TMEM132D: variants seen among roughly 807,000 people sequenced by gnomAD.
TMEM132D encodes mature OL transmembrane protein.
Under a neutral mutation model 62.3 loss-of-function variants are expected in TMEM132D, and 21 were observed. The ratio of observed to expected loss-of-function variants is 0.34; its 90% CI spans 0.24 to 0.49. TMEM132D has a LOEUF of 0.49. TMEM132D is among the 20% of genes least tolerant of loss of function. TMEM132D has a pLI of 0.99. For missense variants in TMEM132D, 1,346 were observed against 1,402.8 expected, an observed-to-expected ratio of 0.96 and a Z score of 0.65; for synonymous variants, 621 against 575.6, an observed-to-expected ratio of 1.08 and a Z score of -1.13.
chr12:129,118,234 T>C (rs1192686080), intron 5 of TMEM132D, among the ~76,000 whole-genome samples: 2 of 152,186 alleles, frequency 1.3e-5, no homozygotes, highest in Non-Finnish European at 2.9e-5. Flanking sequence ...TTGACAATGA[T>C]AGTTAGATAA....
At chr12:129,648,791 G>A (rs774004647) in intron 2 of TMEM132D, among the ~76,000 whole-genome samples, 2 of 152,120 alleles carry the variant, frequency 1.3e-5, no homozygotes, top group African/African-American at 2.4e-5. Flanking sequence ...GAATTCAGCA[G>A]TAAAATTTTC....
At chr12:129,313,260 C>T (rs1339428842) in intron 4 of TMEM132D, among the ~76,000 whole-genome samples, 1 of 152,094 alleles carries the variant, frequency 6.6e-6, no homozygotes, top group Non-Finnish European at 1.5e-5. Context: ...GATTTTGGTG[C>T]ACCCATCACC....
chr12:129,548,924 A>C (rs1293152057), intron 2 of TMEM132D, among the ~76,000 whole-genome samples: 1 of 152,274 alleles, frequency 6.6e-6, no homozygotes, highest in Non-Finnish European at 1.5e-5. Flanking sequence ...AGCTCACCTG[A>C]GTAGACTGCC....
intron 2 of TMEM132D, among the ~76,000 whole-genome samples, chr12:129,623,478 A>G (rs1445108905): frequency 2.0e-5 from 3 of 151,880 alleles, no homozygotes; most frequent in Non-Finnish European, 4.4e-5. Flanking sequence ...ACTCTCTATG[A>G]CTTTGCATAC....
chr12:129,647,782 T>G (rs1879825679), intron 2 of TMEM132D, among the ~76,000 whole-genome samples: 2 of 152,224 alleles, frequency 1.3e-5, no homozygotes, highest in African/African-American at 4.8e-5. Context: ...TCTCATTGAT[T>G]TGTAGAAGAT....
chr12:129,210,784 G>A (rs754209275), intron 4 of TMEM132D: 5 of 152,186 alleles, frequency 3.3e-5, no homozygotes, highest in Middle Eastern at 3.1e-3. Context: ...GGAAAGGACT[G>A]GGATTTACAT....
intron 1 of TMEM132D, among the ~76,000 whole-genome samples, chr12:129,876,842 C>T (rs898703857): frequency 1.3e-5 from 2 of 152,220 alleles, no homozygotes; most frequent in African/African-American, 4.8e-5. Flanking sequence ...GTATTAACGC[C>T]TGACTCAATC....
At chr12:129,464,413 T>C (rs1873810510) in intron 3 of TMEM132D, among the ~76,000 whole-genome samples, 1 of 152,174 alleles carries the variant, frequency 6.6e-6, no homozygotes, top group South Asian at 2.1e-4. Context: ...TTCTCCCATT[T>C]TGTAGGTTGC....
intron 1 of TMEM132D, among the ~76,000 whole-genome samples, chr12:129,765,636 C>T (rs1321933996): frequency 1.3e-5 from 2 of 150,204 alleles, no homozygotes; most frequent in African/African-American, 2.5e-5. Context: ...AGAGATTAAA[C>T]CAAATTCCCT....
intron 3 of TMEM132D, among the ~76,000 whole-genome samples, chr12:129,464,756 G>A (rs937177376): frequency 1.0e-3 from 157 of 152,072 alleles, no homozygotes; most frequent in African/African-American, 2.9e-3. Context: ...TGTTTTTCTC[G>A]GGTTTGTCAA....
chr12:129,665,785 A>G (rs940557403), intron 2 of TMEM132D, among the ~76,000 whole-genome samples: 1 of 152,188 alleles, frequency 6.6e-6, no homozygotes, highest in African/African-American at 2.4e-5. Context: ...CACATAGTAG[A>G]CGCTTAAATA....
intron 2 of TMEM132D, among the ~76,000 whole-genome samples, chr12:129,628,952 T>C (rs1565928809): frequency 6.6e-6 from 1 of 151,516 alleles, no homozygotes; most frequent in Non-Finnish European, 1.5e-5. Flanking sequence ...TCTCTTTCTC[T>C]CTCATGTCTT....
intron 1 of TMEM132D, among the ~76,000 whole-genome samples, chr12:129,874,838 T>C (rs1311143508): frequency 1.3e-5 from 2 of 151,976 alleles, no homozygotes; most frequent in Non-Finnish European, 2.9e-5. Context: ...ATAGCTGGGA[T>C]TACAGGCGTG....
intron 3 of TMEM132D, among the ~76,000 whole-genome samples, chr12:129,405,799 G>A (rs1160358414): frequency 5.3e-5 from 8 of 152,026 alleles, no homozygotes; most frequent in African/African-American, 9.7e-5. Flanking sequence ...CCCTCCCATC[G>A]TTCATTACTA....
intron 5 of TMEM132D, among the ~76,000 whole-genome samples, chr12:129,139,579 T>G (rs1317170716): frequency 6.6e-6 from 1 of 152,222 alleles, no homozygotes; most frequent in Non-Finnish European, 1.5e-5. Flanking sequence ...ATTTCAAATC[T>G]TGTGTCTGCT....
At chr12:129,894,907 T>A (rs1875053523) in intron 1 of TMEM132D, among the ~76,000 whole-genome samples, 1 of 152,236 alleles carries the variant, frequency 6.6e-6, no homozygotes, top group Non-Finnish European at 1.5e-5. Flanking sequence ...ATATCCCCTT[T>A]GTCTCACATG....
At chr12:129,525,237 T>TTG (rs1875992133) in intron 3 of TMEM132D, among the ~76,000 whole-genome samples, 1 of 133,666 alleles carries the variant, frequency 7.5e-6, no homozygotes, top group Non-Finnish European at 1.5e-5. Context: ...TTTTTTTTTT[T>TTG]TTTTTTTTTT....
intron 2 of TMEM132D, among the ~76,000 whole-genome samples, chr12:129,534,891 C>G (rs916599918): frequency 1.3e-5 from 2 of 152,182 alleles, no homozygotes; most frequent in Admixed American, 6.5e-5. Context: ...ATCTGGTTCT[C>G]AGCCTTCCCT....
chr12:129,480,612 G>A (rs1874400288), intron 3 of TMEM132D, among the ~76,000 whole-genome samples: 1 of 152,198 alleles, frequency 6.6e-6, no homozygotes, highest in African/African-American at 2.4e-5. Flanking sequence ...CTGGTTCTGA[G>A]TCATACCTTC....
Sources: allele counts gnomAD v4.1 joint callset (sites outside exome capture counted in the v4.1 genomes callset), GRCh38; gene constraint gnomAD v4.1.1; transcripts MANE v1.5; gene names NCBI Gene and HGNC (gene_info 2026-07-23, HGNC 2026-07-21).